The following ARL5B variants were observed in gnomAD, a reference collection of about 807,000 sequenced individuals.
ARL5B encodes ARF like GTPase 5B.
In ARL5B, 10 loss-of-function variants were observed where a neutral mutation model predicts 26.9. The ratio of observed to expected loss-of-function variants is 0.37; its 90% confidence interval spans 0.23 to 0.63. The LOEUF is 0.63. ARL5B is among the 30% of genes least tolerant of loss of function. ARL5B has a pLI of 0.62. For synonymous variants in ARL5B, 87 were observed against 70.4 expected (o/e 1.24, Z -1.18); for missense variants, 167 against 213.9 (o/e 0.78, Z 1.37).
intron 3 of ARL5B, among the ~76,000 whole-genome samples, chr10:18,670,521 G>T (rs968268947): frequency 1.1e-4 from 17 of 152,268 alleles, no homozygotes; most frequent in South Asian, 6.2e-4. Context: ...TGAGGCATGA[G>T]AATCGCTTGA....
rs142238258 is a variant in ARL5B, at chr10:18,681,038, A to G, written c.*5822A>G. ...TAAATACAAACTGTTGTTACTCCTT[A>G]AGCTTCAGGCTTTCTGCGAAAGCTC... On this transcript the variant is annotated 3_prime_UTR_variant, in exon 6 of 6. Coordinates refer to ENST00000377275, the MANE Select transcript of ARL5B (RefSeq NM_178815.5). 1 of 152,264 alleles carries G rather than the reference A, an allele frequency of 6.6e-6. No homozygotes were observed. Among genetic ancestry groups the G allele is most frequent in the African/African-American group, 2.4e-5 (1 of 41,550 alleles). 9.4% of individuals were successfully genotyped at this position (152,264 alleles called of 1,614,324 possible).
chr10:18,678,079 C>G lies in ARL5B; in HGVS notation c.*2863C>G, dbSNP rs183241155. ...TCTTATTGAAGCCCATTTGAGAACT[C>G]TTAGAATTAATAGAACCTTTTATAA... is the stretch of plus-strand genomic sequence containing the variant. On this transcript the variant is annotated 3_prime_UTR_variant, in exon 6 of 6. Coordinates refer to ENST00000377275, the MANE Select transcript of ARL5B (RefSeq NM_178815.5). 6.6e-6 allele frequency: 1 copy of G among 151,626 alleles called. No individual in the cohort carries two copies. The highest frequency in any genetic ancestry group is 1.5e-5 in the Non-Finnish European group (1 of 67,714). The allele number at this position is 151,626 out of a possible 1,614,324, so 9.4% of individuals were successfully genotyped here.
At chr10:18,667,860 G>A (rs966503619) in intron 2 of ARL5B, among the ~76,000 whole-genome samples, 6 of 152,036 alleles carry the variant, frequency 3.9e-5, no homozygotes, top group African/African-American at 1.2e-4. Context: ...GATTACAAGC[G>A]CCCACCACCA....
rs929877036 is a variant in ARL5B at position 18,674,149 on chromosome 10, T to C, written c.491+14T>C. The C allele has an allele frequency of 3.8e-6, 6 of 1,599,136 alleles. No homozygotes were observed. The highest frequency in any genetic ancestry group is 1.7e-4 in the Middle Eastern group (1 of 6,026). ...CACAGGAGAAGGGTAAGTTCATCCGTCTGAGGGGAGGTATGACTTCTTTCA... is the reference window on the plus strand; with the variant it reads ...CACAGGAGAAGGGTAAGTTCATCCGCCTGAGGGGAGGTATGACTTCTTTCA... On this transcript the variant is annotated intron_variant, in intron 5 of 5. Coordinates refer to ENST00000377275, the MANE Select transcript of ARL5B (RefSeq NM_178815.5).
At chr10:18,667,787 A>G (rs183714207) in intron 2 of ARL5B, among the ~76,000 whole-genome samples, 3 of 151,980 alleles carry the variant, frequency 2.0e-5, no homozygotes, top group South Asian at 2.1e-4. Flanking sequence ...GTGGAGTGCA[A>G]TGGCGTGATC....
chr10:18,672,331 A>T (rs2059891684), intron 3 of ARL5B, among the ~76,000 whole-genome samples: 2 of 152,210 alleles, frequency 1.3e-5, no homozygotes, highest in African/African-American at 4.8e-5. Context: ...TACTACCAGC[A>T]TTTGAAAACA....
rs1171187164 is a variant in ARL5B at position 18,678,402 on chromosome 10, T to A, written c.*3186T>A. 6.6e-6 allele frequency: 1 copy of A among 151,816 alleles called. No individual in the cohort carries two copies. The highest frequency in any genetic ancestry group is 2.4e-5 in the African/African-American group (1 of 41,420). The allele number at this position is 151,816 out of a possible 1,614,324, so 9.4% of individuals were successfully genotyped here. A position where few individuals can be genotyped will look rare whatever the true frequency, so the allele number is the denominator to read the frequency against. On this transcript the variant is annotated 3_prime_UTR_variant, in exon 6 of 6. Coordinates refer to ENST00000377275, the MANE Select transcript of ARL5B (RefSeq NM_178815.5). ...CATAAAGAGAAAATAATTATTTTAG[T>A]ATGGAAACAGTGATAGGCAGTGCTG...
chr10:18,661,071 C>T (rs998142649), intron 1 of ARL5B, among the ~76,000 whole-genome samples: 3 of 152,080 alleles, frequency 2.0e-5, no homozygotes, highest in Non-Finnish European at 4.4e-5. Context: ...CTGGTCTCGA[C>T]CTTCTGACTT....
intron 4 of ARL5B, 63 bp from the exon 5 acceptor site, chr10:18,673,921 T>G: frequency 6.8e-7 from 1 of 1,475,756 alleles, no homozygotes; most frequent in Non-Finnish European, 9.1e-7. Context: ...ATTATAACTG[T>G]TCAGCTGGGT....
intron 2 of ARL5B, 102 bp downstream of exon 2, chr10:18,666,737 A>G (rs1211071962): frequency 4.9e-6 from 5 of 1,030,296 alleles, no homozygotes; most frequent in East Asian, 5.5e-5. Context: ...AAACTTAAAT[A>G]TATGTTTTTT....
rs1413654668 is a variant in ARL5B, at chr10:18,675,915, TA to T, written c.*703del. On this transcript the variant is annotated 3_prime_UTR_variant, in exon 6 of 6. Transcript: ENST00000377275. ...ACATTTGTTCAAAAACTAACCAAGGTAAAATATTTATTTGAAAGCCCAACTT... is the reference window on the plus strand; with the variant it reads ...ACATTTGTTCAAAAACTAACCAAGGTAAATATTTATTTGAAAGCCCAACTT... 3 of 152,060 alleles carry T rather than the reference TA, an allele frequency of 2.0e-5. No homozygotes were observed. The highest frequency in any genetic ancestry group is 2.9e-5 in the Non-Finnish European group (2 of 67,924). 9.4% of individuals were successfully genotyped at this position (152,060 alleles called of 1,614,324 possible).
Position 18,679,826 on chromosome 10 carries a change from ATG to A in ARL5B, c.*4613_*4614del, listed in dbSNP as rs1456725617. 6.6e-6 allele frequency: 1 copy of A among 151,916 alleles called. No individual in the cohort carries two copies. Among genetic ancestry groups the A allele is most frequent in the Non-Finnish European group, 1.5e-5 (1 of 67,856 alleles). The allele number at this position is 151,916 out of a possible 1,614,324, so 9.4% of individuals were successfully genotyped here. A position where few individuals can be genotyped will look rare whatever the true frequency, so the allele number is the denominator to read the frequency against. ...TCAAAAGGATATTAGGTAAGAGAAA[ATG>A]TGAATGAAAGCAGTGAATTTCTGCC... On this transcript the variant is annotated 3_prime_UTR_variant, in exon 6 of 6. Coordinates refer to ENST00000377275, the MANE Select transcript of ARL5B (RefSeq NM_178815.5).
At position 18,678,805 on chromosome 10, in the gene ARL5B, G is replaced by A. The variant is rs1161294798; in HGVS notation, c.*3589G>A. 2.6e-5 allele frequency: 4 copies of A among 151,650 alleles called. No individual in the cohort carries two copies. Among genetic ancestry groups the A allele is most frequent in the Admixed American group, 2.6e-4 (4 of 15,206 alleles). 9.4% of individuals were successfully genotyped at this position (151,650 alleles called of 1,614,324 possible). On this transcript the variant is annotated 3_prime_UTR_variant, in exon 6 of 6. Transcript: ENST00000377275. ...TGTCTTGTATCTAGTAGAATATTGT[G>A]CTAGCCATCTAAAAAAGTGGATTTG...
rs1388169660 is a variant in ARL5B at position 18,662,993 on chromosome 10, A to G, written c.46+3310A>G. Among the ~76,000 whole-genome samples, 6 of 147,626 alleles carry G rather than the reference A, an allele frequency of 4.1e-5. No individual in the cohort carries two copies. In the East Asian group the frequency reaches 1.2e-3, roughly 31 times the overall value. On this transcript the variant is annotated intron_variant, in intron 1 of 5. Transcript: ENST00000377275. ...GCTAGGATTACAGACGTGAACCACT[A>G]TGCCTGGCCCAGTGATGTCTTTAAA... is the stretch of plus-strand genomic sequence containing the variant.
At chr10:18,663,618 G>A (rs568351354) in intron 1 of ARL5B, among the ~76,000 whole-genome samples, 12 of 127,932 alleles carry the variant, frequency 9.4e-5, no homozygotes, top group Admixed American at 7.9e-4. Flanking sequence ...GCGTTATCTC[G>A]GCTCACTGCA....
intron 1 of ARL5B, among the ~76,000 whole-genome samples, chr10:18,662,724 G>A (rs1442385875): frequency 7.3e-5 from 11 of 149,694 alleles, no homozygotes; most frequent in African/African-American, 2.7e-4. Flanking sequence ...TTTTTAATGA[G>A]ATGGAGTCTC....
intron 2 of ARL5B, among the ~76,000 whole-genome samples, chr10:18,668,169 C>T (rs1452652957): frequency 1.3e-5 from 2 of 152,068 alleles, no homozygotes; most frequent in Admixed American, 1.3e-4. Context: ...TTTGCAATCA[C>T]CTAGAAACTT....
At position 18,666,622 on chromosome 10, in the gene ARL5B, A is replaced by G. The variant is rs1371962372; in HGVS notation, c.94A>G (p.Ile32Val). The change falls in exon 2 of 6, where the codon ATT (isoleucine) becomes GTT (valine). Residue 32 changes from isoleucine (I) to valine (V), a missense_variant. By Grantham distance (29) the Ile-to-Val change is conservative. Transcript: ENST00000377275. The part of the protein sequence containing the change: ...VGLDNAGKTT[I>V]LYQFLMNEVV... Reference sequence around the variant, plus strand: ...ACTGGATAATGCAGGGAAAACCACCATTCTTTACCAATTGTAAGTATGGGT... The same window carrying G: ...ACTGGATAATGCAGGGAAAACCACCGTTCTTTACCAATTGTAAGTATGGGT... 2.5e-6 allele frequency: 4 copies of G among 1,608,638 alleles called. No homozygotes were observed. The East Asian group carries it at 9.0e-5, about 36-fold the overall frequency.
chr10:18,667,745 A>G (rs557472796), intron 2 of ARL5B, among the ~76,000 whole-genome samples: 1 of 152,068 alleles, frequency 6.6e-6, no homozygotes, highest in East Asian at 1.9e-4. Context: ...ACACACACAT[A>G]TTTGAGACAG....
Sources: allele counts gnomAD v4.1 joint callset (sites outside exome capture counted in the v4.1 genomes callset), GRCh38; gene constraint gnomAD v4.1.1; transcripts MANE v1.5; gene names NCBI Gene and HGNC (gene_info 2026-07-23, HGNC 2026-07-21).